The following LRBA variants were observed in gnomAD, a reference collection of about 807,000 sequenced individuals.
LRBA encodes lipopolysaccharide-responsive and beige-like anchor protein.
In LRBA, 176 loss-of-function variants were observed where a neutral mutation model predicts 330.0. That is an observed-to-expected ratio of 0.53 (90% CI 0.47 to 0.60). LRBA has a LOEUF of 0.60. Among genes scored for constraint, LRBA ranks in the 20% least tolerant of loss-of-function variants. LRBA has a pLI of 0.00. For synonymous variants in LRBA, 1,230 were observed against 1,193.0 expected, an observed-to-expected ratio of 1.03 and a Z score of -0.64; for missense variants, 3,259 against 3,444.8, an observed-to-expected ratio of 0.95 and a Z score of 1.35.
intron 34 of LRBA, among the ~76,000 whole-genome samples, 153 bp from the exon 35 acceptor site, chr4:150,762,000 A>G (rs1418994027): frequency 6.6e-6 from 1 of 151,968 alleles, no homozygotes; most frequent in Admixed American, 6.6e-5. Flanking sequence ...ACTGAAAAGT[A>G]TACTGACACT....
At chr4:150,449,176 A>G (rs1309246919) in intron 44 of LRBA, among the ~76,000 whole-genome samples, 1 of 152,076 alleles carries the variant, frequency 6.6e-6, no homozygotes, top group Non-Finnish European at 1.5e-5. Context: ...TACGAGCAAA[A>G]CTAATCTACC....
chr4:150,944,728 C>A lies in LRBA; in HGVS notation c.217-15663G>T, dbSNP rs1341313770. Reference sequence around the variant, plus strand: ...ATTCGAGTGGCTAACAGTTTGTACTCTGGCATGACTCTATACATCTGAATA... The same window carrying A: ...ATTCGAGTGGCTAACAGTTTGTACTATGGCATGACTCTATACATCTGAATA... On this transcript the variant is annotated intron_variant, in intron 2 of 56. Transcript: ENST00000651943. Among the ~76,000 whole-genome samples the A allele has an allele frequency of 4.6e-5, 7 of 152,176 alleles. No homozygotes were observed. In the South Asian group the frequency reaches 1.4e-3, roughly 31 times the overall value.
At chr4:150,339,501 G>A (rs1412443875) in intron 48 of LRBA, among the ~76,000 whole-genome samples, 3 of 152,152 alleles carry the variant, frequency 2.0e-5, no homozygotes, top group African/African-American at 7.2e-5. Context: ...TGAAAAGGGA[G>A]AAAGAGTTGT....
chr4:150,535,245 C>T (rs1046447307), intron 40 of LRBA, among the ~76,000 whole-genome samples: 1 of 152,018 alleles, frequency 6.6e-6, no homozygotes, highest in Admixed American at 6.6e-5. Flanking sequence ...GTGATACTCC[C>T]ACCTCAGACT....
Position 150,583,105 on chromosome 4 carries a change from GC to G in LRBA, c.6330+4942del. The G allele has an allele frequency of 6.2e-7, 1 of 1,614,186 alleles. No homozygotes were observed. Among genetic ancestry groups the G allele is most frequent in the Non-Finnish European group, 8.5e-7 (1 of 1,180,024 alleles). Reference sequence around the variant, plus strand: ...TGAGCGCTGTCAGGCGCGCAAGGCGGCCATCGCCAAAACCATCCGAGAGGTC... The same window carrying G: ...TGAGCGCTGTCAGGCGCGCAAGGCGGCATCGCCAAAACCATCCGAGAGGTC... On this transcript the variant is annotated intron_variant, in intron 40 of 56. Coordinates refer to ENST00000651943, the MANE Select transcript of LRBA (RefSeq NM_001364905.1). The surrounding 1 kb of genome is among the most constrained non-coding windows in gnomAD (Gnocchi z 9.8).
chr4:150,621,944 C>T (rs1003119940), intron 37 of LRBA, among the ~76,000 whole-genome samples: 1 of 152,166 alleles, frequency 6.6e-6, no homozygotes, highest in Non-Finnish European at 1.5e-5. Flanking sequence ...GAAACCAAAA[C>T]AGTTGGGTTG....
intron 9 of LRBA, among the ~76,000 whole-genome samples, chr4:150,912,440 C>G (rs1412648620): frequency 1.3e-5 from 2 of 152,208 alleles, no homozygotes; most frequent in African/African-American, 2.4e-5. Flanking sequence ...CCCATCACCC[C>G]CGGATGGAAC....
chr4:150,954,307 C>T (rs1320166733), intron 2 of LRBA, among the ~76,000 whole-genome samples: 9 of 151,944 alleles, frequency 5.9e-5, no homozygotes, highest in African/African-American at 1.7e-4. Context: ...ATGACGATGG[C>T]GGTTTTGTCA....
At position 150,806,340 on chromosome 4, in the gene LRBA, C is replaced by T; in HGVS notation, c.5449G>A (p.Asp1817Asn). The T allele has an allele frequency of 6.2e-7, 1 of 1,609,616 alleles. No homozygotes were observed. Among genetic ancestry groups the T allele is most frequent in the South Asian group, 1.1e-5 (1 of 90,428 alleles). The part of the protein sequence containing the change: ...AAPLLREIFV[D>N]FAPFLSRTLL... The stretch of plus-strand genomic sequence containing the variant: ...GTCCGAGAAAGAAAAGGTGCAAAAT[C>T]CACAAAAATCTCACGAAGGAGAGGA... The change falls in exon 33 of 57, where the codon GAT (aspartate) becomes AAT (asparagine). Residue 1817 changes from aspartate to asparagine, a missense_variant. Asp to Asn is a conservative substitution (Grantham distance 23). Coordinates refer to ENST00000651943, the MANE Select transcript of LRBA (RefSeq NM_001364905.1).
chr4:150,273,034 G>C (rs1477753183), intron 56 of LRBA, among the ~76,000 whole-genome samples: 1 of 152,054 alleles, frequency 6.6e-6, no homozygotes, highest in Non-Finnish European at 1.5e-5. Context: ...TAGAAATGAA[G>C]GAAAAATTGT....
Position 150,321,097 on chromosome 4 carries a change from T to C in LRBA, c.7630+94A>G. 1.7e-6 allele frequency: 2 copies of C among 1,200,990 alleles called. No homozygotes were observed. The highest frequency in any genetic ancestry group is 2.8e-5 in the Admixed American group (1 of 36,084). 74.4% of individuals were successfully genotyped at this position (1,200,990 alleles called of 1,614,324 possible). A position where few individuals can be genotyped will look rare whatever the true frequency, so the allele number is the denominator to read the frequency against. On this transcript the variant is annotated intron_variant, in intron 50 of 56. Transcript: ENST00000651943. The surrounding 1 kb of genome is among the most constrained non-coding windows in gnomAD (Gnocchi z 4.5). ...TTTGATTCAGACTAATGCTTGAAAA[T>C]TAAAAGCTTAAATGTTGAGATATGC...
At chr4:150,366,918 G>C (rs1739542471) in intron 47 of LRBA, among the ~76,000 whole-genome samples, 1 of 152,142 alleles carries the variant, frequency 6.6e-6, no homozygotes, top group East Asian at 1.9e-4. Flanking sequence ...ATGAAAAGCA[G>C]CTTTCATTCA....
intron 2 of LRBA, among the ~76,000 whole-genome samples, chr4:150,996,875 A>T (rs1742711439): frequency 6.6e-6 from 1 of 152,144 alleles, no homozygotes; most frequent in African/African-American, 2.4e-5. Flanking sequence ...TCATGCTATA[A>T]ATCAAGTTTA....
chr4:150,472,355 T>C (rs1306965160), intron 42 of LRBA, among the ~76,000 whole-genome samples: 5 of 152,056 alleles, frequency 3.3e-5, no homozygotes, highest in Non-Finnish European at 7.4e-5. Flanking sequence ...GAATTAGTTA[T>C]TACATTCAAA....
chr4:150,282,635 G>C lies in LRBA; in HGVS notation c.8131C>G (p.Leu2711Val). The C allele has an allele frequency of 6.3e-7, 1 of 1,599,314 alleles. No homozygotes were observed. Among genetic ancestry groups the C allele is most frequent in the Non-Finnish European group, 8.5e-7 (1 of 1,171,672 alleles). Residue 2711 changes from leucine (L) to valine (V), a missense_variant, in exon 55 of 57, where the codon CTC becomes GTC. By Grantham distance (32) the Leu-to-Val change is conservative (BLOSUM62 1). Coordinates refer to ENST00000651943, the MANE Select transcript of LRBA (RefSeq NM_001364905.1). ...VLSGSQEGPC[L>V]IHSMNGDLLR... Reference sequence around the variant, plus strand: ...AAGTCTCCATTCATGGAATGTATGAGACATGGTCCTTCTGAGAAGAGAGGA... The same window carrying C: ...AAGTCTCCATTCATGGAATGTATGACACATGGTCCTTCTGAGAAGAGAGGA...
chr4:150,673,664 C>T (rs1165979646), intron 37 of LRBA, among the ~76,000 whole-genome samples: 1 of 152,084 alleles, frequency 6.6e-6, no homozygotes, highest in East Asian at 1.9e-4. Flanking sequence ...GAGTTAGTTA[C>T]AAATATCATG....
intron 52 of LRBA, among the ~76,000 whole-genome samples, chr4:150,307,315 G>T (rs541577394): frequency 6.6e-6 from 1 of 151,892 alleles, no homozygotes; most frequent in Non-Finnish European, 1.5e-5. Flanking sequence ...GGTATTTGGG[G>T]GCGCTCTGCA....
At chr4:150,778,808 T>C (rs1737772121) in intron 34 of LRBA, among the ~76,000 whole-genome samples, 1 of 152,166 alleles carries the variant, frequency 6.6e-6, no homozygotes, top group Admixed American at 6.5e-5. Context: ...TTCAGACATA[T>C]GGCAATTGCT....
chr4:151,000,824 T>C lies in LRBA; in HGVS notation c.216+13603A>G, dbSNP rs1307799841. On this transcript the variant is annotated intron_variant, in intron 2 of 56. Coordinates refer to ENST00000651943, the MANE Select transcript of LRBA (RefSeq NM_001364905.1). ...GATAATCCAAGAAAGAACACTGGAA[T>C]TCAATAGAAAAATGACAAGAAACAC... Among the ~76,000 whole-genome samples, 6 of 152,286 alleles carry C rather than the reference T, an allele frequency of 3.9e-5. No individual in the cohort carries two copies. In the East Asian group the frequency reaches 5.8e-4, roughly 15 times the overall value.
Sources: gnomAD v4.1 joint callset for allele counts (sites outside exome capture counted in the v4.1 genomes callset) on GRCh38, gnomAD v4.1.1 for gene constraint, Gnocchi (gnomAD v3.1) non-coding constraint, MANE v1.5 for transcripts, NCBI Gene and HGNC (gene_info 2026-07-23, HGNC 2026-07-21) for gene names.